ERBB4: variants seen among roughly 807,000 people sequenced by gnomAD.
ERBB4 encodes the protein receptor tyrosine-protein kinase erbB-4.
A neutral mutation model predicts 158.0 loss-of-function variants in ERBB4; 42 were observed. The ratio of observed to expected loss-of-function variants is 0.27; its 90% CI spans 0.21 to 0.34. The LOEUF is 0.34. Ranked by LOEUF, ERBB4 falls within the 10% of genes least tolerant of loss-of-function variation. The probability of loss-of-function intolerance (pLI) is 1.00; values close to 1 mark genes in which losing one functional copy is unlikely to be tolerated. For synonymous variants in ERBB4, 583 were observed against 558.7 expected, an observed-to-expected ratio of 1.04 and a Z score of -0.61; for missense variants, 1,333 against 1,624.1, an observed-to-expected ratio of 0.82 and a Z score of 3.08.
chr2:212,250,006 G>T (rs1490018611), intron 1 of ERBB4, among the ~76,000 whole-genome samples: 1 of 151,994 alleles, frequency 6.6e-6, no homozygotes, highest in African/African-American at 2.4e-5. Context: ...TATATGTATT[G>T]CAAGATAAAT....
intron 3 of ERBB4, among the ~76,000 whole-genome samples, chr2:211,860,367 GCTTT>G (rs1412277701): frequency 6.6e-5 from 10 of 152,250 alleles, no homozygotes; most frequent in Non-Finnish European, 1.3e-4. Flanking sequence ...TTAAATTGCT[GCTTT>G]CTTTGTTTTA....
Position 212,518,163 on chromosome 2 carries a change from C to T in ERBB4, c.82+20286G>A, listed in dbSNP as rs563450974. ...AATTTGACCATAAATCAGTCTAAAACACTATAAGCTAATTGATAAGGAACT... is the reference window on the plus strand; with the variant it reads ...AATTTGACCATAAATCAGTCTAAAATACTATAAGCTAATTGATAAGGAACT... On this transcript the variant is annotated intron_variant, in intron 1 of 27. Coordinates refer to ENST00000342788, the MANE Select transcript of ERBB4 (RefSeq NM_005235.3). Among the ~76,000 whole-genome samples, 53 of 152,030 alleles carry T rather than the reference C, an allele frequency of 3.5e-4. 1 individual carries two copies. The highest frequency in any genetic ancestry group is 1.3e-3 in the African/African-American group (52 of 41,500).
At chr2:211,709,899 G>T (rs551538569) in intron 9 of ERBB4, among the ~76,000 whole-genome samples, 58 of 152,186 alleles carry the variant, frequency 3.8e-4, no homozygotes, top group African/African-American at 1.4e-3. Context: ...TTCTATTCCA[G>T]TGGTCAGCTG....
At position 212,034,229 on chromosome 2, in the gene ERBB4, A is replaced by G. The variant is rs532115309; in HGVS notation, c.235-86613T>C. 2.6e-5 allele frequency among the ~76,000 whole-genome samples: 4 copies of G among 152,026 alleles called. No individual in the cohort carries two copies. The South Asian group carries it at 8.3e-4, about 32-fold the overall frequency. ...CTTCAGAGAGACTTCTCTGCAGGGA[A>G]TATCAATTATGCATTTTCCCTACCT... On this transcript the variant is annotated intron_variant, in intron 2 of 27. Coordinates refer to ENST00000342788, the MANE Select transcript of ERBB4 (RefSeq NM_005235.3).
chr2:212,082,651 A>G (rs2078481529), intron 2 of ERBB4, among the ~76,000 whole-genome samples: 1 of 152,026 alleles, frequency 6.6e-6, no homozygotes, highest in African/African-American at 2.4e-5. Flanking sequence ...AAAAACCTGA[A>G]GGGAAAAATA....
intron 1 of ERBB4, among the ~76,000 whole-genome samples, chr2:212,153,124 T>A (rs2080924405): frequency 6.6e-6 from 1 of 152,224 alleles, no homozygotes; most frequent in African/African-American, 2.4e-5. Context: ...TTACTGTGGA[T>A]AATGTTAACT....
At chr2:211,624,465 T>C (rs1851175) in intron 17 of ERBB4, among the ~76,000 whole-genome samples, 133,556 of 152,154 alleles carry the variant, frequency 0.88, 58,761 homozygotes, top group Middle Eastern at 0.93. Flanking sequence ...CTTTAGTGTA[T>C]ATCTGAATTA....
chr2:212,053,075 TGA>T (rs759155067), intron 2 of ERBB4, among the ~76,000 whole-genome samples: 1 of 152,084 alleles, frequency 6.6e-6, no homozygotes, highest in African/African-American at 2.4e-5. Flanking sequence ...CCCAGCACAT[TGA>T]GAGGCCAAAA....
At chr2:211,412,962 AAAAG>A (rs1018727642) in intron 25 of ERBB4, among the ~76,000 whole-genome samples, 10 of 150,962 alleles carry the variant, frequency 6.6e-5, no homozygotes, top group African/African-American at 1.9e-4. Context: ...AAAAAAAAAA[AAAAG>A]AAAGAAAGAA....
At chr2:211,780,026 A>G (rs2075995214) in intron 4 of ERBB4, among the ~76,000 whole-genome samples, 1 of 152,100 alleles carries the variant, frequency 6.6e-6, no homozygotes, top group Admixed American at 6.5e-5. Flanking sequence ...ACACACACAC[A>G]CAATTTGGCA....
At chr2:212,436,993 CAAGA>C (rs2092151652) in intron 1 of ERBB4, among the ~76,000 whole-genome samples, 1 of 151,848 alleles carries the variant, frequency 6.6e-6, no homozygotes, top group South Asian at 2.1e-4. Flanking sequence ...TTAGTACAAG[CAAGA>C]GAGTAAGGCT....
chr2:211,930,021 A>G (rs1191219777), intron 3 of ERBB4, among the ~76,000 whole-genome samples: 1 of 152,178 alleles, frequency 6.6e-6, no homozygotes, highest in Non-Finnish European at 1.5e-5. Context: ...AAACTTTGAA[A>G]TAGGTATGAC....
intron 3 of ERBB4, among the ~76,000 whole-genome samples, chr2:211,876,256 C>T (rs538483515): frequency 3.3e-5 from 5 of 152,074 alleles, no homozygotes; most frequent in Non-Finnish European, 7.4e-5. Context: ...TCCTTGCACA[C>T]GTCAGTAGGT....
At chr2:212,112,239 C>A (rs1032031286) in intron 2 of ERBB4, among the ~76,000 whole-genome samples, 10 of 152,058 alleles carry the variant, frequency 6.6e-5, no homozygotes, top group African/African-American at 2.4e-4. Flanking sequence ...TTCAAGCAAT[C>A]ATCCTCCTTG....
intron 1 of ERBB4, among the ~76,000 whole-genome samples, chr2:212,262,358 T>G (rs985290438): frequency 2.6e-5 from 4 of 152,140 alleles, no homozygotes; most frequent in Admixed American, 2.6e-4. Context: ...TTGTTTCTCC[T>G]CCATTATCCA....
At chr2:211,868,492 T>C (rs1002446175) in intron 3 of ERBB4, among the ~76,000 whole-genome samples, 1 of 152,176 alleles carries the variant, frequency 6.6e-6, no homozygotes, top group Non-Finnish European at 1.5e-5. Flanking sequence ...CCTTTTAAAC[T>C]AGATGGCATA....
In ERBB4 at chr2:211,829,624, C is replaced by T. The variant is rs75225197; in HGVS notation, c.422-41465G>A. 1.7e-3 allele frequency among the ~76,000 whole-genome samples: 259 copies of T among 152,110 alleles called. 1 individual carries two copies. Among genetic ancestry groups the T allele is most frequent in the African/African-American group, 5.1e-3 (212 of 41,512 alleles). ...GGACAGAGATATATCTTATTTATCA[C>T]GCTATTTCAAATTATTCATGTAACA... On this transcript the variant is annotated intron_variant, in intron 3 of 27. Transcript: ENST00000342788.
At chr2:212,272,238 A>G (rs1427162652) in intron 1 of ERBB4, among the ~76,000 whole-genome samples, 4 of 151,816 alleles carry the variant, frequency 2.6e-5, no homozygotes, top group Admixed American at 2.6e-4. Context: ...ATCCTGACAT[A>G]TAGCTAAATA....
At chr2:211,491,281 T>C (rs1367718619) in intron 20 of ERBB4, among the ~76,000 whole-genome samples, 1 of 152,084 alleles carries the variant, frequency 6.6e-6, no homozygotes, top group East Asian at 1.9e-4. Context: ...AATCATTTTG[T>C]TTCATGGATA....
Sources: gnomAD v4.1 joint callset for allele counts (sites outside exome capture counted in the v4.1 genomes callset) on GRCh38, gnomAD v4.1.1 for gene constraint, MANE v1.5 for transcripts, NCBI Gene and HGNC (gene_info 2026-07-23, HGNC 2026-07-21) for gene names.